The following STARD9 variants were observed in gnomAD, a reference collection of about 807,000 sequenced individuals.
The protein encoded by STARD9 is StAR related lipid transfer domain containing 9.
In STARD9, 346 loss-of-function variants were observed where a neutral mutation model predicts 399.8. The observed-to-expected ratio is 0.87, with a 90% confidence interval of 0.79 to 0.95. The LOEUF is 0.95. STARD9 is among the 40% of genes least tolerant of loss of function. The pLI is 0.00. For synonymous variants in STARD9, 2,203 were observed against 2,143.5 expected, an observed-to-expected ratio of 1.03 and a Z score of -0.77; for missense variants, 5,832 against 5,667.5, an observed-to-expected ratio of 1.03 and a Z score of -0.93.
In STARD9 at chr15:42,687,118, T is replaced by C; in HGVS notation, c.5540T>C (p.Val1847Ala). 2 of 1,537,230 alleles carry C rather than the reference T, an allele frequency of 1.3e-6. No individual in the cohort carries two copies. The highest frequency in any genetic ancestry group is 4.9e-5 in the East Asian group (2 of 40,920). Residue 1847 changes from valine to alanine, a missense_variant, in exon 23 of 33, where the codon GTT becomes GCT. Val to Ala is a moderately conservative substitution (Grantham distance 64). Transcript: ENST00000290607. ...ATTACAGAAGAAAGCCATGATTCAG[T>C]TTATTCTTCTGTTACTCAGAACAGA... ...GNITEESHDS[V>A]YSSVTQNRHF...
intron 16 of STARD9, chr15:42,673,221 G>A (rs980564707): frequency 2.6e-5 from 4 of 152,178 alleles, no homozygotes; most frequent in Non-Finnish European, 4.4e-5. Context: ...GGCCAACATG[G>A]TGAAACCCTG....
intron 1 of STARD9, among the ~76,000 whole-genome samples, chr15:42,576,639 G>A (rs373665972): frequency 6.6e-6 from 1 of 152,292 alleles, no homozygotes; most frequent in East Asian, 1.9e-4. Context: ...GTGCTTTGGG[G>A]ACCAGGAGGC....
intron 26 of STARD9, among the ~76,000 whole-genome samples, chr15:42,699,627 T>A (rs1199403218): frequency 6.6e-6 from 1 of 151,908 alleles, no homozygotes; most frequent in Non-Finnish European, 1.5e-5. Context: ...TTTCCTGACC[T>A]CGTGATCTGC....
rs2060831658 is a variant in STARD9 at position 42,695,762 on chromosome 15, C to T, written c.13166C>T (p.Thr4389Ile). The T allele has an allele frequency of 2.0e-6, 3 of 1,537,082 alleles. No homozygotes were observed. Among genetic ancestry groups the T allele is most frequent in the Non-Finnish European group, 2.6e-6 (3 of 1,146,882 alleles). Reference sequence around the variant, plus strand: ...TCCCAGGAAGAGGATAAACTACATACCTTGGCCAATTCCAGCTCCCTGTGC... The same window carrying T: ...TCCCAGGAAGAGGATAAACTACATATCTTGGCCAATTCCAGCTCCCTGTGC... ...QLLKEEDKLH[T>I]LANSSSLCTS... Residue 4389 changes from threonine (T) to isoleucine (I), a missense_variant, in exon 26 of 33, where the codon ACC becomes ATC. By Grantham distance (89) the Thr-to-Ile change is moderately conservative. This residue lies in a region of STARD9 where 5,828 missense variants were observed against 5,651.1 expected (regional missense o/e 1.03). Coordinates refer to ENST00000290607, the MANE Select transcript of STARD9 (RefSeq NM_020759.3).
chr15:42,650,955 A>G, intron 7 of STARD9, 61 bp from the exon 8 acceptor site: 1 of 1,222,100 alleles, frequency 8.2e-7, no homozygotes, highest in East Asian at 2.6e-5. Flanking sequence ...CTTACAAGAA[A>G]AGGTTAAAGT....
intron 9 of STARD9, among the ~76,000 whole-genome samples, chr15:42,656,587 C>T (rs1184894311): frequency 1.3e-5 from 2 of 152,030 alleles, no homozygotes; most frequent in East Asian, 3.9e-4. Flanking sequence ...CCCAAATGTC[C>T]GTCAATGAGT....
intron 7 of STARD9, among the ~76,000 whole-genome samples, chr15:42,640,606 GGT>G (rs1489209346): frequency 2.6e-5 from 4 of 152,030 alleles, no homozygotes; most frequent in Admixed American, 2.6e-4. Flanking sequence ...CAGAACATGA[GGT>G]CAGGAGATTG....
rs2060524943 is a variant in STARD9, at chr15:42,685,321, A to T, written c.3743A>T (p.Gln1248Leu). ...GACTCTAGTCTGCCTGTAATGGACC[A>T]AGAGGCAATATGCAGGCTTGGTCCC... is the stretch of plus-strand genomic sequence containing the variant. ...LEDSSLPVMD[Q>L]EAICRLGPIN... is the part of the protein sequence containing the mutation. Residue 1248 changes from glutamine to leucine, a missense_variant, in exon 23 of 33, where the codon CAA becomes CTA. Gln to Leu is a moderately radical substitution (Grantham distance 113). Coordinates refer to ENST00000290607, the MANE Select transcript of STARD9 (RefSeq NM_020759.3). 6.5e-7 allele frequency: 1 copy of T among 1,537,346 alleles called. No individual in the cohort carries two copies. Among genetic ancestry groups the T allele is most frequent in the Non-Finnish European group, 8.7e-7 (1 of 1,146,976 alleles).
Position 42,588,687 on chromosome 15 carries a change from C to T in STARD9, c.234+3050C>T, listed in dbSNP as rs188253508. 7.5e-4 allele frequency among the ~76,000 whole-genome samples: 113 copies of T among 150,094 alleles called. 3 individuals are homozygous for T. The East Asian group carries it at 0.013, about 17-fold the overall frequency. On this transcript the variant is annotated intron_variant, in intron 3 of 32. Coordinates refer to ENST00000290607, the MANE Select transcript of STARD9 (RefSeq NM_020759.3). ...AATCACTATGGCTCTGAGGCCACCA[C>T]GGACGGGTAAGAAAGGTGGAATCTA... is the stretch of plus-strand genomic sequence containing the variant.
intron 1 of STARD9, among the ~76,000 whole-genome samples, chr15:42,576,170 G>A (rs1040250145): frequency 2.0e-5 from 3 of 152,206 alleles, no homozygotes; most frequent in Non-Finnish European, 4.4e-5. Flanking sequence ...CTGGGTGCGC[G>A]TGGGCTTCTC....
At chr15:42,704,198 A>G (rs998253065) in intron 26 of STARD9, among the ~76,000 whole-genome samples, 3 of 152,218 alleles carry the variant, frequency 2.0e-5, no homozygotes, top group African/African-American at 7.2e-5. Context: ...GGCATGAGCT[A>G]CCACGCCTGG....
rs1213642427 is a variant in STARD9, at chr15:42,684,281, G to A, written c.2703G>A (p.Gly901=). The A allele has an allele frequency of 5.9e-6, 9 of 1,537,062 alleles. No homozygotes were observed. In the Admixed American group the frequency reaches 1.8e-4, roughly 30 times the overall value. Residue 901 remains glycine (G), a synonymous_variant, in exon 23 of 33, where the codon GGG becomes GGA. Coordinates refer to ENST00000290607, the MANE Select transcript of STARD9 (RefSeq NM_020759.3). ...RKNGLHSSGH[G]QPCTARAALA... The stretch of plus-strand genomic sequence containing the variant: ...ACGGCCTGCATTCCTCAGGTCATGG[G>A]CAGCCCTGCACAGCCAGAGCAGCCT...
intron 26 of STARD9, among the ~76,000 whole-genome samples, chr15:42,696,461 G>C (rs1393402021): frequency 6.6e-6 from 1 of 152,214 alleles, no homozygotes; most frequent in African/African-American, 2.4e-5. Context: ...AAAATGACAT[G>C]AGAAGGGACT....
chr15:42,675,686 G>A lies in STARD9; in HGVS notation c.1710G>A (p.Lys570=). ...CAGGAGCTGTCATAACCCTGGGGAA[G>A]GCACAGAAGTTCCGATTCAACCACC... ...LTQGAVITLG[K]AQKFRFNHPA... is the part of the protein sequence containing the mutation. The change falls in exon 19 of 33, where the codon AAG becomes AAA. Residue 570 remains lysine (K), a synonymous_variant. Coordinates refer to ENST00000290607, the MANE Select transcript of STARD9 (RefSeq NM_020759.3). 4 of 1,537,186 alleles carry A rather than the reference G, an allele frequency of 2.6e-6. No homozygotes were observed. The highest frequency in any genetic ancestry group is 3.5e-6 in the Non-Finnish European group (4 of 1,146,860).
chr15:42,606,359 T>A (rs2058722194), intron 3 of STARD9, among the ~76,000 whole-genome samples: 1 of 152,238 alleles, frequency 6.6e-6, no homozygotes, highest in Non-Finnish European at 1.5e-5. Flanking sequence ...AAATCTTGCA[T>A]TTACTATAGG....
rs566814106 is a variant in STARD9, at chr15:42,657,672, A to G, written c.703-3486A>G. Among the ~76,000 whole-genome samples, 19 of 152,374 alleles carry G rather than the reference A, an allele frequency of 1.2e-4. No individual in the cohort carries two copies. In the South Asian group the frequency reaches 3.3e-3, roughly 27 times the overall value. ...ACATTTTCAGAACACTTCATCCAAC[A>G]TCACAGAATACACATATTTTCAAGT... On this transcript the variant is annotated intron_variant, in intron 9 of 32. Coordinates refer to ENST00000290607, the MANE Select transcript of STARD9 (RefSeq NM_020759.3).
intron 31 of STARD9, 67 bp from the exon 32 acceptor site, chr15:42,718,685 A>G (rs2061396110): frequency 1.3e-6 from 2 of 1,508,112 alleles, no homozygotes; most frequent in Non-Finnish European, 1.8e-6. Flanking sequence ...CATACTGTCT[A>G]CACGGGAGCC....
intron 3 of STARD9, among the ~76,000 whole-genome samples, chr15:42,619,760 T>C (rs2059049122): frequency 6.6e-6 from 1 of 152,166 alleles, no homozygotes. Flanking sequence ...TGCCCACCAC[T>C]CACCTCCTGC....
chr15:42,639,539 A>T (rs2059491218), intron 7 of STARD9, among the ~76,000 whole-genome samples: 1 of 152,144 alleles, frequency 6.6e-6, no homozygotes, highest in Non-Finnish European at 1.5e-5. Context: ...TTATAGGCGA[A>T]GTTTTTACCC....
Sources: gnomAD v4.1 joint callset for allele counts (sites outside exome capture counted in the v4.1 genomes callset) on GRCh38, gnomAD v4.1.1 for gene constraint, gnomAD v4.1.1 regional missense constraint, MANE v1.5 for transcripts, NCBI Gene and HGNC (gene_info 2026-07-23, HGNC 2026-07-21) for gene names.